Variants in CALCR observed in about 807,000 individuals in gnomAD.
CALCR encodes the protein calcitonin receptor.
A neutral mutation model predicts 59.5 loss-of-function variants in CALCR; 47 were observed. The ratio of observed to expected loss-of-function variants is 0.79; its 90% CI spans 0.63 to 1.01. The LOEUF (loss-of-function observed/expected upper bound fraction) is 1.01, where lower values mean the gene tolerates loss of function less well. Ranked by LOEUF, CALCR falls within the 50% of genes least tolerant of loss-of-function variation. The pLI is 0.00. For synonymous variants in CALCR, 213 were observed against 211.3 expected (o/e 1.01, Z -0.07); for missense variants, 566 against 597.1 (o/e 0.95, Z 0.54).
intron 2 of CALCR, among the ~76,000 whole-genome samples, chr7:93,541,620 G>A (rs1382444084): frequency 1.3e-5 from 2 of 152,132 alleles, no homozygotes; most frequent in African/African-American, 4.8e-5. Flanking sequence ...GGTGTTTTAT[G>A]TTCTCTTGGT....
intron 2 of CALCR, among the ~76,000 whole-genome samples, chr7:93,560,853 C>T (rs1789729865): frequency 6.6e-6 from 1 of 152,208 alleles, no homozygotes; most frequent in African/African-American, 2.4e-5. Flanking sequence ...GTCTCAAGCT[C>T]CAACTTCATC....
At chr7:93,477,862 C>A (rs1001386202) in intron 4 of CALCR, among the ~76,000 whole-genome samples, 194 bp from the exon 5 acceptor site, 1 of 146,112 alleles carries the variant, frequency 6.8e-6, no homozygotes, top group South Asian at 2.2e-4. Context: ...CAAATTATCT[C>A]ATTGGATGAC....
chr7:93,449,226 TATC>T (rs1257792211), intron 8 of CALCR, among the ~76,000 whole-genome samples: 1 of 152,000 alleles, frequency 6.6e-6, no homozygotes, highest in African/African-American at 2.4e-5. Context: ...AATGTTTTCT[TATC>T]AGTTTGCTTT....
At chr7:93,479,135 A>G (rs928099510) in intron 4 of CALCR, among the ~76,000 whole-genome samples, 1 of 151,850 alleles carries the variant, frequency 6.6e-6, no homozygotes, top group African/African-American at 2.4e-5. Context: ...CGGTAATTTT[A>G]TCATGAGGGC....
chr7:93,523,746 T>C (rs111320820), intron 2 of CALCR, among the ~76,000 whole-genome samples: 38 of 152,274 alleles, frequency 2.5e-4, no homozygotes, highest in African/African-American at 7.7e-4. Context: ...TTTTTATAAG[T>C]ATAAACTATG....
intron 2 of CALCR, among the ~76,000 whole-genome samples, chr7:93,512,824 T>C (rs1039589352): frequency 1.3e-5 from 2 of 152,014 alleles, no homozygotes; most frequent in African/African-American, 2.4e-5. Context: ...CCAAGGAAAA[T>C]TTTATGGTTC....
intron 8 of CALCR, among the ~76,000 whole-genome samples, chr7:93,451,496 A>G (rs907517346): frequency 1.3e-5 from 2 of 152,038 alleles, no homozygotes; most frequent in East Asian, 3.9e-4. Flanking sequence ...TGAATCAAAT[A>G]TACTCAGAGT....
At chr7:93,511,241 G>A (rs182483695) in intron 2 of CALCR, among the ~76,000 whole-genome samples, 3 of 152,162 alleles carry the variant, frequency 2.0e-5, no homozygotes, top group Admixed American at 6.6e-5. Context: ...TGAGTGGGAA[G>A]GAATGAATGG....
intron 9 of CALCR, among the ~76,000 whole-genome samples, chr7:93,439,080 G>A (rs539664272): frequency 6.7e-4 from 102 of 152,128 alleles, no homozygotes; most frequent in Non-Finnish European, 1.3e-3. Flanking sequence ...GTAGAATATT[G>A]TTTGATTTGA....
intron 2 of CALCR, among the ~76,000 whole-genome samples, chr7:93,561,912 AGTTAG>A (rs1256929848): frequency 6.6e-6 from 1 of 150,610 alleles, no homozygotes; most frequent in African/African-American, 2.5e-5. Flanking sequence ...TGAGCTCTGT[AGTTAG>A]GTATTTTAGG....
At chr7:93,479,555 G>A in intron 3 of CALCR, 48 bp from the exon 4 acceptor site, 1 of 1,525,448 alleles carries the variant, frequency 6.6e-7, no homozygotes, top group Non-Finnish European at 8.9e-7. Context: ...AGGAATGGGT[G>A]AGCACAAATA....
chr7:93,487,671 G>A (rs1800975650), intron 2 of CALCR, among the ~76,000 whole-genome samples: 1 of 151,328 alleles, frequency 6.6e-6, no homozygotes, highest in East Asian at 2.0e-4. Context: ...TTTTACACAA[G>A]AAAACTTAAC....
chr7:93,546,184 G>A (rs7457241), intron 2 of CALCR, among the ~76,000 whole-genome samples: 42,510 of 151,992 alleles, frequency 0.28, 7,183 homozygotes, highest in South Asian at 0.38. Flanking sequence ...CATGCCAGGT[G>A]TTTTATTATA....
intron 13 of CALCR, among the ~76,000 whole-genome samples, chr7:93,427,681 G>A (rs1377097970): frequency 2.6e-5 from 4 of 151,882 alleles, no homozygotes; most frequent in Non-Finnish European, 5.9e-5. Flanking sequence ...AAAAATGACA[G>A]CAAAACTGAT....
At chr7:93,559,140 A>G (rs1039450616) in intron 2 of CALCR, among the ~76,000 whole-genome samples, 27 of 152,132 alleles carry the variant, frequency 1.8e-4, no homozygotes, top group African/African-American at 5.1e-4. Flanking sequence ...AAATTATTTG[A>G]GAAAATATGG....
intron 2 of CALCR, among the ~76,000 whole-genome samples, chr7:93,492,729 G>T (rs567825454): frequency 6.6e-6 from 1 of 151,260 alleles, no homozygotes; most frequent in African/African-American, 2.4e-5. Flanking sequence ...TGCAGACTGG[G>T]TGAAAGGTTC....
chr7:93,541,199 G>C (rs1025015524), intron 2 of CALCR, among the ~76,000 whole-genome samples: 9 of 152,112 alleles, frequency 5.9e-5, no homozygotes, highest in African/African-American at 2.2e-4. Context: ...GTTTGAGATG[G>C]AGTCTCACTG....
At chr7:93,459,425 C>A (rs1274773495) in intron 8 of CALCR, among the ~76,000 whole-genome samples, 13 of 150,000 alleles carry the variant, frequency 8.7e-5, no homozygotes, top group African/African-American at 3.0e-4. Context: ...GGATAAATAA[C>A]CTCCAAAATC....
chr7:93,529,242 G>A (rs549190021), intron 2 of CALCR, among the ~76,000 whole-genome samples: 1 of 152,164 alleles, frequency 6.6e-6, no homozygotes, highest in South Asian at 2.1e-4. Context: ...TGATAGTGAT[G>A]AGTTCTTGTG....
Sources: gnomAD v4.1 joint callset for allele counts (sites outside exome capture counted in the v4.1 genomes callset) on GRCh38, gnomAD v4.1.1 for gene constraint, MANE v1.5 for transcripts, NCBI Gene and HGNC (gene_info 2026-07-23, HGNC 2026-07-21) for gene names.